TRIP11: variants seen among roughly 807,000 people sequenced by gnomAD.
TRIP11 encodes thyroid receptor-interacting protein 11.
TRIP11 carries 148 observed loss-of-function variants against 223.1 expected under a neutral mutation model. The observed-to-expected ratio is 0.66, with a 90% CI of 0.58 to 0.76. The LOEUF (loss-of-function observed/expected upper bound fraction) is 0.76, where lower values mean the gene tolerates loss of function less well. TRIP11 is among the 30% of genes least tolerant of loss of function. The probability of loss-of-function intolerance (pLI) is 0.00; values close to 1 mark genes in which losing one functional copy is unlikely to be tolerated. For missense variants in TRIP11, 2,043 were observed against 2,222.0 expected (o/e 0.92, Z 1.62); for synonymous variants, 762 against 772.6 (o/e 0.99, Z 0.23).
chr14:92,002,385 C>A (rs17806838), intron 11 of TRIP11, among the ~76,000 whole-genome samples: 36,868 of 152,012 alleles, frequency 0.24, 5,479 homozygotes, highest in Middle Eastern at 0.34. Context: ...AGTGACAGAA[C>A]TGGGATTAGA....
chr14:92,028,890 T>G (rs1427984299), intron 2 of TRIP11, among the ~76,000 whole-genome samples: 2 of 152,206 alleles, frequency 1.3e-5, no homozygotes, highest in South Asian at 4.1e-4. Flanking sequence ...TCCACTGAAA[T>G]CAACTTAATT....
At chr14:91,992,857 C>T (rs2056693363) in intron 15 of TRIP11, among the ~76,000 whole-genome samples, 2 of 130,304 alleles carry the variant, frequency 1.5e-5, no homozygotes, top group South Asian at 2.4e-4. Context: ...TGCAGTGAGC[C>T]GAGATCGCGC....
At chr14:92,029,024 T>G (rs2057225283) in intron 2 of TRIP11, among the ~76,000 whole-genome samples, 1 of 152,204 alleles carries the variant, frequency 6.6e-6, no homozygotes, top group South Asian at 2.1e-4. Flanking sequence ...CATTCTATCT[T>G]ACAATTACCA....
chr14:91,989,597 A>C (rs2056647950), intron 15 of TRIP11, among the ~76,000 whole-genome samples: 1 of 150,732 alleles, frequency 6.6e-6, no homozygotes. Flanking sequence ...CTCCCATGTA[A>C]ATTTAAGGTC....
chr14:92,002,769 C>T (rs1355613508), intron 11 of TRIP11, among the ~76,000 whole-genome samples: 5 of 151,728 alleles, frequency 3.3e-5, no homozygotes, highest in Admixed American at 6.6e-5. Context: ...TTAGTAGAGT[C>T]GGGGTTTCAC....
intron 11 of TRIP11, among the ~76,000 whole-genome samples, chr14:92,000,913 T>G (rs1009584393): frequency 6.6e-6 from 1 of 150,758 alleles, no homozygotes; most frequent in East Asian, 1.9e-4. Context: ...CAGGCTGGAG[T>G]GCAGTGGCGC....
chr14:91,979,585 A>G (rs1434718711), intron 16 of TRIP11, among the ~76,000 whole-genome samples: 2 of 152,122 alleles, frequency 1.3e-5, no homozygotes, highest in African/African-American at 4.8e-5. Context: ...TTTGTCCCTG[A>G]GCTAATGTGA....
chr14:91,976,196 TA>T lies in TRIP11; in HGVS notation c.5261-8del, dbSNP rs2140084282. The stretch of plus-strand genomic sequence containing the variant: ...ATTTCTTGTCGGAGCTCATCTGTTG[TA>T]AAATATGTGAATAAAGATAGCCATT... On this transcript the variant is annotated splice_polypyrimidine_tract_variant and splice_region_variant and intron_variant, in intron 16 of 20. Coordinates refer to ENST00000267622, the MANE Select transcript of TRIP11 (RefSeq NM_004239.4). The T allele has an allele frequency of 1.2e-6, 2 of 1,610,820 alleles. No homozygotes were observed. The highest frequency in any genetic ancestry group is 1.7e-6 in the Non-Finnish European group (2 of 1,179,178).
At chr14:92,018,954 C>A (rs1283952051) in intron 4 of TRIP11, among the ~76,000 whole-genome samples, 11 of 107,340 alleles carry the variant, frequency 1.0e-4, no homozygotes, top group East Asian at 2.4e-4. Flanking sequence ...GAGCAAGACT[C>A]CATCTCAAAA....
chr14:92,038,960 C>CG (rs753237406), intron 1 of TRIP11, among the ~76,000 whole-genome samples: 3 of 151,998 alleles, frequency 2.0e-5, no homozygotes, highest in Non-Finnish European at 2.9e-5. Flanking sequence ...ATTCTACTGT[C>CG]GAAATATGGG....
At chr14:91,970,379 C>T (rs1234056275) in intron 20 of TRIP11, among the ~76,000 whole-genome samples, 1 of 151,918 alleles carries the variant, frequency 6.6e-6, no homozygotes, top group African/African-American at 2.4e-5. Context: ...CACCACTGCA[C>T]TCCAGCCTGG....
intron 11 of TRIP11, among the ~76,000 whole-genome samples, chr14:92,001,455 C>A (rs2056825175): frequency 6.7e-6 from 1 of 150,110 alleles, no homozygotes; most frequent in Non-Finnish European, 1.5e-5. Flanking sequence ...CTATTGAGAA[C>A]ATCCTTTTCT....
intron 15 of TRIP11, 70 bp from the exon 16 acceptor site, chr14:91,988,453 T>C: frequency 7.4e-7 from 1 of 1,351,746 alleles, no homozygotes; most frequent in South Asian, 1.2e-5. Context: ...CTGAGAGACA[T>C]CTTAGAGTCA....
In TRIP11 at chr14:92,004,801, G is replaced by C; in HGVS notation, c.3175C>G (p.Gln1059Glu). Residue 1059 changes from glutamine (Q) to glutamate (E), a missense_variant, in exon 11 of 21, where the codon CAG (glutamine) becomes GAG (glutamate). Transcript: ENST00000267622. ...LSKDEVGKLT[Q>E]IIQQKDLEIQ... ...TCCAAATCTTTCTGCTGAATAATCT[G>C]AGTTAGTTTACCAACTTCATCTTTG... 6.2e-7 allele frequency: 1 copy of C among 1,614,074 alleles called. No individual in the cohort carries two copies.
Position 92,004,533 on chromosome 14 carries a change from T to C in TRIP11, c.3443A>G (p.Glu1148Gly). Residue 1148 changes from glutamate (E) to glycine (G), a missense_variant, in exon 11 of 21, where the codon GAA (glutamate) becomes GGA (glycine). Glu to Gly is a moderately conservative substitution (Grantham distance 98, BLOSUM62 -2). Coordinates refer to ENST00000267622, the MANE Select transcript of TRIP11 (RefSeq NM_004239.4). Reference sequence around the variant, plus strand: ...TCTAAACATATCTTGGCCACTACTTTCAAATCTAGTGGACAATTTTTTATT... The same window carrying C: ...TCTAAACATATCTTGGCCACTACTTCCAAATCTAGTGGACAATTTTTTATT... ...DENKKLSTRF[E>G]SSGQDMFRET... 2 of 1,613,378 alleles carry C rather than the reference T, an allele frequency of 1.2e-6. No individual in the cohort carries two copies. The highest frequency in any genetic ancestry group is 1.7e-6 in the Non-Finnish European group (2 of 1,179,938).
intron 8 of TRIP11, 69 bp from the exon 9 acceptor site, chr14:92,011,141 T>C (rs535036675): frequency 1.5e-6 from 2 of 1,344,322 alleles, no homozygotes; most frequent in African/African-American, 2.9e-5. Flanking sequence ...GCTGGCAATC[T>C]ATACAATTGT....
Position 91,967,586 on chromosome 14 carries a change from G to T in TRIP11, c.*2087C>A. On this transcript the variant is annotated 3_prime_UTR_variant, in exon 21 of 21. Transcript: ENST00000267622. ...GGATGAGAGGCGGACAAGTTGTTTTGGTCAGAGAAGGAAATACTCAAAAAT... is the reference window on the plus strand; with the variant it reads ...GGATGAGAGGCGGACAAGTTGTTTTTGTCAGAGAAGGAAATACTCAAAAAT... The T allele has an allele frequency of 5.0e-6, 1 of 200,422 alleles. No homozygotes were observed. The allele number at this position is 200,422 out of a possible 1,614,324, so 12.4% of individuals were successfully genotyped here.
intron 2 of TRIP11, 45 bp downstream of exon 2, chr14:92,033,147 T>C: frequency 6.9e-7 from 1 of 1,456,434 alleles, no homozygotes; most frequent in Non-Finnish European, 9.6e-7. Flanking sequence ...GTAACCTTCA[T>C]GACTTCAAAA....
rs910505660 is a variant in TRIP11 at position 92,039,917 on chromosome 14, C to T, written c.-232G>A. 2 of 732,846 alleles carry T rather than the reference C, an allele frequency of 2.7e-6. No individual in the cohort carries two copies. Among genetic ancestry groups the T allele is most frequent in the Non-Finnish European group, 4.3e-6 (2 of 460,850 alleles). 45.4% of individuals were successfully genotyped at this position (732,846 alleles called of 1,614,324 possible). ...AGTGACACAGTCACCTACGGAGGGC[C>T]TTCTGCTCATTCCCACGAATTCCCA... On this transcript the variant is annotated 5_prime_UTR_variant, in exon 1 of 21. Transcript: ENST00000267622.
Sources: gnomAD v4.1 joint callset for allele counts (sites outside exome capture counted in the v4.1 genomes callset) on GRCh38, gnomAD v4.1.1 for gene constraint, MANE v1.5 for transcripts, NCBI Gene and HGNC (gene_info 2026-07-23, HGNC 2026-07-21) for gene names.